The following TNC variants were observed in gnomAD, a reference collection of about 807,000 sequenced individuals.
TNC encodes the protein tenascin C, also known as tenascin.
Under a neutral mutation model 202.4 loss-of-function variants are expected in TNC, and 109 were observed. The observed-to-expected ratio is 0.54, with a 90% CI of 0.46 to 0.63. The LOEUF is 0.63. TNC is among the 30% of genes least tolerant of loss of function. TNC has a pLI of 0.00. For synonymous variants in TNC, 1,007 were observed against 1,089.7 expected, an observed-to-expected ratio of 0.92 and a Z score of 1.50; for missense variants, 2,756 against 2,833.3, an observed-to-expected ratio of 0.97 and a Z score of 0.62.
intron 15 of TNC, chr9:115,052,729 T>C (rs1169010815): frequency 1.4e-6 from 1 of 698,228 alleles, no homozygotes; most frequent in East Asian, 2.7e-5. Context: ...TGAGAACCTC[T>C]GATTGAGTAC....
chr9:115,066,539 C>G (rs1022495329), intron 10 of TNC, among the ~76,000 whole-genome samples: 1 of 152,152 alleles, frequency 6.6e-6, no homozygotes, highest in African/African-American at 2.4e-5. Flanking sequence ...TCAGACATTT[C>G]TAAGTTCTGG....
At position 115,081,787 on chromosome 9, in the gene TNC, T is replaced by G. The variant is rs16932195; in HGVS notation, c.2389A>C (p.Arg797=). The G allele has an allele frequency of 6.0e-3, 9,647 of 1,613,964 alleles. 515 individuals are homozygous for G. In the African/African-American group the frequency reaches 0.11, roughly 19 times the overall value. Residue 797 remains arginine (R), a synonymous_variant, in exon 6 of 28, where the codon AGG becomes CGG. Coordinates refer to ENST00000350763, the MANE Select transcript of TNC (RefSeq NM_002160.4). The stretch of plus-strand genomic sequence containing the variant: ...TGATACTCACGTGTGGTGGTCACCC[T>G]CTTCAGGCCAGGGCCCCGGGTATTG... The part of the protein sequence containing the change: ...KNNTRGPGLK[R]VTTTRLDAPS...
intron 25 of TNC, among the ~76,000 whole-genome samples, chr9:115,027,127 A>AT (rs1829563518): frequency 6.6e-6 from 1 of 151,568 alleles, no homozygotes; most frequent in Non-Finnish European, 1.5e-5. Flanking sequence ...AAAAAAAAAA[A>AT]AAAAGGGCCA....
chr9:115,055,799 T>C (rs574138255), intron 15 of TNC: 5 of 152,630 alleles, frequency 3.3e-5, no homozygotes, highest in Non-Finnish European at 5.9e-5. Context: ...TAAAACACCA[T>C]TGTAGAGTCA....
At position 115,095,494 on chromosome 9, in the gene TNC, A is replaced by G. The variant is rs1417438778; in HGVS notation, c.-136-4340T>C. Among the ~76,000 whole-genome samples the G allele has an allele frequency of 4.1e-5, 3 of 72,736 alleles. 1 individual carries two copies. The highest frequency in any genetic ancestry group is 1.4e-4 in the Admixed American group (1 of 6,982). 47.7% of individuals were successfully genotyped at this position (72,736 alleles called of 152,430 possible). ...TGTATATATATGTATATATATATGT[A>G]TATATATGTATATATATATGTATAT... On this transcript the variant is annotated intron_variant, in intron 1 of 27. Coordinates refer to ENST00000350763, the MANE Select transcript of TNC (RefSeq NM_002160.4).
In TNC at chr9:115,087,260, GGTGTCCAAGCGGC is replaced by G; in HGVS notation, c.458_470del (p.Gly153AlafsTer76). On this transcript the variant is annotated frameshift_variant and splice_region_variant, in exon 3 of 28. Coordinates refer to ENST00000350763, the MANE Select transcript of TNC (RefSeq NM_002160.4). LOFTEE classifies it high-confidence loss of function. ...TGCCCCGACCGCTACAGAAGGGCCT[GGTGTCCAAGCGGC>G]CTGCAACAAAAGAAACAGAAGTTCT... is the stretch of plus-strand genomic sequence containing the variant. 1 of 1,612,174 alleles carries G rather than the reference GGTGTCCAAGCGGC, an allele frequency of 6.2e-7. No homozygotes were observed. Among genetic ancestry groups the G allele is most frequent in the Non-Finnish European group, 8.5e-7 (1 of 1,178,382 alleles).
intron 15 of TNC, among the ~76,000 whole-genome samples, chr9:115,054,489 A>G (rs948833789): frequency 1.3e-5 from 2 of 152,192 alleles, no homozygotes; most frequent in Non-Finnish European, 2.9e-5. Flanking sequence ...CAAATTAAGG[A>G]TGCATGCTGG....
rs1423837295 is a variant in TNC at position 115,057,370 on chromosome 9, G to A, written c.4362C>T (p.Phe1454=). The change falls in exon 15 of 28, where the codon TTC becomes TTT. Residue 1454 remains phenylalanine (F), a synonymous_variant. Transcript: ENST00000350763. Reference sequence around the variant, plus strand: ...CATCGGTAGCCATCCAGGAGAGATTGAAGCTCTCGGGAGTTATGTCAGAAA... The same window carrying A: ...CATCGGTAGCCATCCAGGAGAGATTAAAGCTCTCGGGAGTTATGTCAGAAA... ...LNVSDITPES[F]NLSWMATDGI... 1 of 1,613,790 alleles carries A rather than the reference G, an allele frequency of 6.2e-7. No homozygotes were observed. The highest frequency in any genetic ancestry group is 8.5e-7 in the Non-Finnish European group (1 of 1,180,004).
intron 10 of TNC, among the ~76,000 whole-genome samples, chr9:115,068,514 C>T (rs1016190861): frequency 6.6e-6 from 1 of 152,146 alleles, no homozygotes; most frequent in African/African-American, 2.4e-5. Flanking sequence ...CCTGACAACC[C>T]CAAAGGGTAT....
intron 17 of TNC, among the ~76,000 whole-genome samples, chr9:115,043,294 C>A (rs1475383953): frequency 6.6e-6 from 1 of 152,076 alleles, no homozygotes; most frequent in Non-Finnish European, 1.5e-5. Flanking sequence ...CCTCTTTCTG[C>A]ATTTTTCTCT....
chr9:115,117,914 C>T (rs1837592184), intron 1 of TNC, 68 bp downstream of exon 1: 2 of 152,068 alleles, frequency 1.3e-5, no homozygotes, highest in Admixed American at 1.3e-4. Flanking sequence ...AATCACAACT[C>T]ATTTGGTACC....
At position 115,046,571 on chromosome 9, in the gene TNC, C is replaced by T. The variant is rs1442722293; in HGVS notation, c.4964G>A (p.Arg1655Lys). The T allele has an allele frequency of 6.2e-7, 1 of 1,614,040 alleles. No homozygotes were observed. The change falls in exon 17 of 28, where the codon AGA (arginine) becomes AAA (lysine). Residue 1655 changes from arginine (R) to lysine (K), a missense_variant. Physicochemically the swap from Arg to Lys is conservative, Grantham distance 26. This residue lies in a region of TNC where 2,559 missense variants were observed against 2,546.0 expected (regional missense o/e 1.01). Coordinates refer to ENST00000350763, the MANE Select transcript of TNC (RefSeq NM_002160.4). ...GVFDNFVLKIRDTKKQSEPLE... is the reference protein window; with the variant it reads ...GVFDNFVLKIKDTKKQSEPLE... Reference sequence around the variant, plus strand: ...TGGCTCAGACTGCTTTTTGGTATCTCTGATTTTGAGAACAAAATTGTCGAA... The same window carrying T: ...TGGCTCAGACTGCTTTTTGGTATCTTTGATTTTGAGAACAAAATTGTCGAA...
chr9:115,046,433 G>A lies in TNC; in HGVS notation c.5102C>T (p.Thr1701Ile), dbSNP rs749461542. ...YGISKGRRSQ[T>I]VSAIATTAMG... ...ACCTGTTGTTGCTATAGCACTGACTGTCTGGGATCGCCTTCCTTTGCTTAT... is the reference window on the plus strand; with the variant it reads ...ACCTGTTGTTGCTATAGCACTGACTATCTGGGATCGCCTTCCTTTGCTTAT... The change falls in exon 17 of 28, where the codon ACA becomes ATA. Residue 1701 changes from threonine to isoleucine, a missense_variant. Thr to Ile is a moderately conservative substitution (Grantham distance 89). Around this residue, in one of 2 missense-constraint regions of TNC, gnomAD observed 2,559 missense variants for 2,546.0 expected, o/e 1.01. Coordinates refer to ENST00000350763, the MANE Select transcript of TNC (RefSeq NM_002160.4). 21 of 1,614,016 alleles carry A rather than the reference G, an allele frequency of 1.3e-5. No homozygotes were observed. The South Asian group carries it at 2.1e-4, about 16-fold the overall frequency.
In TNC at chr9:115,078,127, G is replaced by T. The variant is rs145321605; in HGVS notation, c.2490C>A (p.Ile830=). The T allele has an allele frequency of 5.0e-6, 8 of 1,614,028 alleles. No individual in the cohort carries two copies. The African/African-American group carries it at 6.7e-5, about 13-fold the overall frequency. The part of the protein sequence containing the change: ...LITWFKPLAE[I]DGIELTYGIK... Reference sequence around the variant, plus strand: ...TGCCGTAGGTCAGCTCAATGCCATCGATCTCAGCCAGGGGCTTGAACCAGG... The same window carrying T: ...TGCCGTAGGTCAGCTCAATGCCATCTATCTCAGCCAGGGGCTTGAACCAGG... Residue 830 remains isoleucine, a synonymous_variant, in exon 7 of 28, where the codon ATC becomes ATA. Coordinates refer to ENST00000350763, the MANE Select transcript of TNC (RefSeq NM_002160.4).
In TNC at chr9:115,091,051, G is replaced by C; in HGVS notation, c.-33C>G. On this transcript the variant is annotated 5_prime_UTR_variant, in exon 2 of 28. Coordinates refer to ENST00000350763, the MANE Select transcript of TNC (RefSeq NM_002160.4). Reference sequence around the variant, plus strand: ...GTGGGTTTGGCTGGGTGCTGCTGGGGCTCTAGGGCTCTAGGGTATCTCACT... The same window carrying C: ...GTGGGTTTGGCTGGGTGCTGCTGGGCCTCTAGGGCTCTAGGGTATCTCACT... 6.5e-7 allele frequency: 1 copy of C among 1,538,088 alleles called. No homozygotes were observed. The highest frequency in any genetic ancestry group is 1.4e-5 in the African/African-American group (1 of 73,562).
chr9:115,045,064 A>G (rs1831070360), intron 17 of TNC, among the ~76,000 whole-genome samples: 2 of 152,152 alleles, frequency 1.3e-5, no homozygotes, highest in African/African-American at 2.4e-5. Context: ...CTTTACTCCA[A>G]ATCTAGCTCT....
chr9:115,085,043 G>A (rs1423924046), intron 3 of TNC, among the ~76,000 whole-genome samples: 1 of 152,070 alleles, frequency 6.6e-6, no homozygotes, highest in Non-Finnish European at 1.5e-5. Context: ...AATAACTTTA[G>A]TAAAGGAAAA....
intron 19 of TNC, among the ~76,000 whole-genome samples, chr9:115,038,788 C>A (rs1379590355): frequency 6.6e-6 from 1 of 151,982 alleles, no homozygotes; most frequent in African/African-American, 2.4e-5. Context: ...TAAGACTGCC[C>A]GAGCCTTTTC....
Position 115,057,429 on chromosome 9 carries a change from TA to T in TNC, c.4307-5del. 1 of 1,604,660 alleles carries T rather than the reference TA, an allele frequency of 6.2e-7. No individual in the cohort carries two copies. ...TTTCCAATTTCAGGTTCTTTGGCTGTAAAAGGAAGGGGTAGGGGAGAAGAAA... is the reference window on the plus strand; with the variant it reads ...TTTCCAATTTCAGGTTCTTTGGCTGTAAAGGAAGGGGTAGGGGAGAAGAAA... On this transcript the variant is annotated splice_polypyrimidine_tract_variant and splice_region_variant and intron_variant, in intron 14 of 27. Coordinates refer to ENST00000350763, the MANE Select transcript of TNC (RefSeq NM_002160.4).
Sources: gnomAD v4.1 joint callset for allele counts (sites outside exome capture counted in the v4.1 genomes callset) on GRCh38, gnomAD v4.1.1 for gene constraint, gnomAD v4.1.1 regional missense constraint, MANE v1.5 for transcripts, NCBI Gene and HGNC (gene_info 2026-07-23, HGNC 2026-07-21) for gene names.